Variants in SULT1E1 observed in about 807,000 individuals in gnomAD.
SULT1E1 encodes sulfotransferase 1E1.
A neutral mutation model predicts 33.6 loss-of-function variants in SULT1E1; 36 were observed. The observed-to-expected ratio is 1.07, with a 90% CI of 0.82 to 1.41. The LOEUF (loss-of-function observed/expected upper bound fraction) is 1.41, where lower values mean the gene tolerates loss of function less well. Ranked by LOEUF, SULT1E1 falls within the 40% of genes most tolerant of loss-of-function variation. The pLI is 0.00. For missense variants in SULT1E1, 371 were observed against 345.7 expected (o/e 1.07, Z -0.58); for synonymous variants, 121 against 111.7 (o/e 1.08, Z -0.53).
In SULT1E1 at chr4:69,844,243, C is replaced by A; in HGVS notation, c.690G>T (p.Glu230Asp). 1 of 1,613,878 alleles carries A rather than the reference C, an allele frequency of 6.2e-7. No individual in the cohort carries two copies. Among genetic ancestry groups the A allele is most frequent in the Non-Finnish European group, 8.5e-7 (1 of 1,179,838 alleles). Reference sequence around the variant, plus strand: ...AATTTGTGGATGGATTGTTCTTCATCTCTTGGAACGAAGTATGATGTATAA... The same window carrying A: ...AATTTGTGGATGGATTGTTCTTCATATCTTGGAACGAAGTATGATGTATAA... ...DRIIHHTSFQEMKNNPSTNYT... is the reference protein window; with the variant it reads ...DRIIHHTSFQDMKNNPSTNYT... The change falls in exon 7 of 8, where the codon GAG becomes GAT. Residue 230 changes from glutamate (E) to aspartate (D), a missense_variant. Transcript: ENST00000226444.
At chr4:69,844,775 G>A (rs1349969993) in intron 6 of SULT1E1, among the ~76,000 whole-genome samples, 1 of 152,062 alleles carries the variant, frequency 6.6e-6, no homozygotes, top group Non-Finnish European at 1.5e-5. Context: ...ATTAAGAAAA[G>A]GTGTAAAAAG....
At chr4:69,850,766 T>C (rs1721084318) in intron 4 of SULT1E1, among the ~76,000 whole-genome samples, 1 of 152,136 alleles carries the variant, frequency 6.6e-6, no homozygotes, top group Non-Finnish European at 1.5e-5. Flanking sequence ...CTGTATTTTA[T>C]AGCTTGCCTT....
chr4:69,832,691 T>C, the SULT1E1 span, among the ~76,000 whole-genome samples: 1 of 152,156 alleles, frequency 6.6e-6, no homozygotes, highest in Non-Finnish European at 1.5e-5. Flanking sequence ...CCCCCCACCA[T>C]GGCGTCCAGC....
the SULT1E1 span, among the ~76,000 whole-genome samples, chr4:69,832,679 AC>A: frequency 2.0e-5 from 3 of 150,492 alleles, no homozygotes; most frequent in Non-Finnish European, 3.0e-5. Flanking sequence ...TCATCTTGCG[AC>A]CCCCCCACCA....
At chr4:69,833,330 A>C in the SULT1E1 span, among the ~76,000 whole-genome samples, 14 of 152,234 alleles carry the variant, frequency 9.2e-5, no homozygotes, top group African/African-American at 3.1e-4. Context: ...GTTTTCAGGC[A>C]TAGAAAGCAT....
the SULT1E1 span, among the ~76,000 whole-genome samples, chr4:69,822,159 T>C: frequency 1.0e-3 from 158 of 152,326 alleles, no homozygotes; most frequent in Non-Finnish European, 2.1e-3. Context: ...TATAATTAAT[T>C]CCCTCAACAA....
chr4:69,824,893 C>T, the SULT1E1 span, among the ~76,000 whole-genome samples: 1 of 152,176 alleles, frequency 6.6e-6, no homozygotes, highest in African/African-American at 2.4e-5. Context: ...TCCCTTTCCA[C>T]CCTGTGGAAT....
chr4:69,822,299 G>A, the SULT1E1 span, among the ~76,000 whole-genome samples: 1 of 152,066 alleles, frequency 6.6e-6, no homozygotes, highest in Non-Finnish European at 1.5e-5. Flanking sequence ...TAAACCATTT[G>A]CTTAGTTTGC....
intron 3 of SULT1E1, 150 bp from the exon 4 acceptor site, chr4:69,854,464 T>G: frequency 1.9e-6 from 1 of 534,672 alleles, no homozygotes; most frequent in Non-Finnish European, 3.2e-6. Flanking sequence ...CTTGAGGGAA[T>G]GGACACCCCA....
At chr4:69,832,600 C>A in the SULT1E1 span, among the ~76,000 whole-genome samples, 2 of 152,140 alleles carry the variant, frequency 1.3e-5, no homozygotes, top group African/African-American at 4.8e-5. Context: ...GTTTAGTATA[C>A]CCCTTACTAT....
At chr4:69,857,376 A>T (rs1721263501) in intron 2 of SULT1E1, 124 bp downstream of exon 2, 1 of 1,249,510 alleles carries the variant, frequency 8.0e-7, no homozygotes, top group African/African-American at 1.5e-5. Context: ...CTATGTCCAT[A>T]TCAAAACTAC....
At chr4:69,849,070 C>T (rs1560555598) in intron 5 of SULT1E1, 1 of 158,770 alleles carries the variant, frequency 6.3e-6, no homozygotes, top group Non-Finnish European at 1.4e-5. Context: ...AATCTCTCCC[C>T]AACCCATTGT....
intron 6 of SULT1E1, among the ~76,000 whole-genome samples, chr4:69,845,564 A>G (rs1008842969): frequency 2.6e-5 from 4 of 151,346 alleles, no homozygotes; most frequent in African/African-American, 7.3e-5. Context: ...ACAAAATCTT[A>G]TTTTATATAT....
the SULT1E1 span, among the ~76,000 whole-genome samples, chr4:69,832,240 G>A: frequency 5.3e-5 from 8 of 152,174 alleles, no homozygotes; most frequent in African/African-American, 1.2e-4. Flanking sequence ...CAGGAGAGCC[G>A]ATCTCCCCTT....
At chr4:69,853,751 G>GTTATCTGACCTATCCTT (rs1721173875) in intron 4 of SULT1E1, among the ~76,000 whole-genome samples, 1 of 152,108 alleles carries the variant, frequency 6.6e-6, no homozygotes, top group African/African-American at 2.4e-5. Flanking sequence ...TTATATGACA[G>GTTATCTGACCTATCCTT]TTATCTGACC....
At chr4:69,824,795 T>C in the SULT1E1 span, among the ~76,000 whole-genome samples, 1 of 152,158 alleles carries the variant, frequency 6.6e-6, no homozygotes. Flanking sequence ...CAGTGCTCGG[T>C]AAAATGAACC....
At chr4:69,826,311 C>A in the SULT1E1 span, among the ~76,000 whole-genome samples, 1 of 152,064 alleles carries the variant, frequency 6.6e-6, no homozygotes. Context: ...TCGGTAAGGG[C>A]CACTAAATCT....
chr4:69,836,459 A>G (rs10213450), downstream of SULT1E1, among the ~76,000 whole-genome samples: 1,118 of 152,270 alleles, frequency 7.3e-3, 11 homozygotes, highest in South Asian at 0.023. Context: ...GTAGGATGCC[A>G]TTTGCTATTA....
the SULT1E1 span, among the ~76,000 whole-genome samples, chr4:69,824,855 C>G: frequency 2.3e-3 from 352 of 152,282 alleles, 1 homozygote; most frequent in African/African-American, 7.9e-3. Flanking sequence ...AGCTGGCCAC[C>G]AGAGCCAGCA....
Sources: gnomAD v4.1 joint callset for allele counts (sites outside exome capture counted in the v4.1 genomes callset) on GRCh38, gnomAD v4.1.1 for gene constraint, MANE v1.5 for transcripts, NCBI Gene and HGNC (gene_info 2026-07-23, HGNC 2026-07-21) for gene names.